Variants in CDKN2B-AS1 observed in about 807,000 individuals in gnomAD.
CDKN2B-AS1 encodes the protein CDKN2B antisense RNA 1 (non-protein coding).
In CDKN2B-AS1 at chr9:22,005,850, CTG is replaced by C; in HGVS notation, n.29+10692_29+10693del. 1 of 1,215,172 alleles carries C rather than the reference CTG, an allele frequency of 8.2e-7. No individual in the cohort carries two copies. Among genetic ancestry groups the C allele is most frequent in the East Asian group, 2.5e-5 (1 of 39,394 alleles). 75.3% of individuals were successfully genotyped at this position (1,215,172 alleles called of 1,614,324 possible). A position where few individuals can be genotyped will look rare whatever the true frequency, so the allele number is the denominator to read the frequency against. ...GTTATTCCCGGTCGGCTCCTCCTTC[CTG>C]TGAGTCTCAGACAGGCTTGCAGGCT... On this transcript the variant is annotated intron_variant and non_coding_transcript_variant, in intron 1 of 4. Transcript: ENST00000650946. This position sits in a 1 kb window ranked among gnomAD's most constrained non-coding sequence, Gnocchi z 4.9.
intron 4 of CDKN2B-AS1, among the ~76,000 whole-genome samples, chr9:22,056,934 C>T (rs1261366419): frequency 6.6e-6 from 1 of 152,114 alleles, no homozygotes; most frequent in African/African-American, 2.4e-5. Context: ...CAGTCTTCCC[C>T]ATCTTAATTA....
chr9:22,088,647 A>C (rs1824948280), intron 4 of CDKN2B-AS1, among the ~76,000 whole-genome samples: 1 of 152,220 alleles, frequency 6.6e-6, no homozygotes, highest in African/African-American at 2.4e-5. Flanking sequence ...GTTAATTTAA[A>C]TACACCAAAG....
chr9:22,037,610 C>G (rs1822742711), intron 1 of CDKN2B-AS1, among the ~76,000 whole-genome samples: 1 of 151,996 alleles, frequency 6.6e-6, no homozygotes, highest in Non-Finnish European at 1.5e-5. Flanking sequence ...TTTAACTTTC[C>G]TCTTCAGCTT....
intron 1 of CDKN2B-AS1, among the ~76,000 whole-genome samples, chr9:22,037,693 T>G (rs1401274204): frequency 6.6e-6 from 1 of 151,920 alleles, no homozygotes; most frequent in South Asian, 2.1e-4. Flanking sequence ...CCACAAAGGG[T>G]AGTGGAGATT....
intron 4 of CDKN2B-AS1, among the ~76,000 whole-genome samples, chr9:22,072,157 A>G (rs1824321289): frequency 6.6e-6 from 1 of 152,230 alleles, no homozygotes; most frequent in Non-Finnish European, 1.5e-5. Flanking sequence ...ACTGTGGGTA[A>G]CTTGGGCCCA....
At chr9:22,029,794 G>C (rs1428473203) in intron 1 of CDKN2B-AS1, 1 of 302,494 alleles carries the variant, frequency 3.3e-6, no homozygotes, top group Non-Finnish European at 6.0e-6. Flanking sequence ...TAATCACTAA[G>C]ATGTTAGTAT....
At chr9:22,070,820 C>T in intron 4 of CDKN2B-AS1, among the ~76,000 whole-genome samples, 1 of 152,264 alleles carries the variant, frequency 6.6e-6, no homozygotes, top group Non-Finnish European at 1.5e-5. Context: ...AACAGAAGCT[C>T]ATAGAATCAA....
chr9:22,102,295 A>T (rs1261797109), intron 4 of CDKN2B-AS1, among the ~76,000 whole-genome samples: 1 of 152,160 alleles, frequency 6.6e-6, no homozygotes, highest in Non-Finnish European at 1.5e-5. Flanking sequence ...TAAAACCAGA[A>T]TTTCTCTGCT....
In CDKN2B-AS1 at chr9:22,120,176, C is replaced by A. The variant is rs530324619; in HGVS notation, n.439-6927C>A. The A allele has an allele frequency of 9.9e-5, 15 of 152,276 alleles. No homozygotes were observed. In the East Asian group the frequency reaches 2.7e-3, roughly 27 times the overall value. The allele number at this position is 152,276 out of a possible 1,614,324, so 9.4% of individuals were successfully genotyped here. On this transcript the variant is annotated intron_variant and non_coding_transcript_variant, in intron 4 of 4. Coordinates refer to ENST00000650946, the Ensembl canonical transcript of CDKN2B-AS1. ...TAAATATGATTGCCTTCATTTTATT[C>A]TTTCCTTGTCTCGTTCTTCCCAGTA...
chr9:22,028,764 T>C (rs921187371), intron 1 of CDKN2B-AS1, among the ~76,000 whole-genome samples: 1 of 152,198 alleles, frequency 6.6e-6, no homozygotes, highest in Non-Finnish European at 1.5e-5. Context: ...GTATGGTTTG[T>C]GAAACATTTA....
intron 4 of CDKN2B-AS1, among the ~76,000 whole-genome samples, chr9:22,071,118 T>A (rs944486181): frequency 2.0e-5 from 3 of 151,318 alleles, no homozygotes. Flanking sequence ...TAAGTCAGTT[T>A]TTAAAAAATT....
In CDKN2B-AS1 at chr9:22,039,555, CT is replaced by C. The variant is rs1414227164; in HGVS notation, n.30-7195del. On this transcript the variant is annotated intron_variant and non_coding_transcript_variant, in intron 1 of 4. Transcript: ENST00000650946. The surrounding 1 kb of genome is among the most constrained non-coding windows in gnomAD (Gnocchi z 4.4). ...AGGAGGTAGAGGCCAGCATTATTTTCTCCATTTTTGGAATGAGAAAATACAG... is the reference window on the plus strand; with the variant it reads ...AGGAGGTAGAGGCCAGCATTATTTTCCCATTTTTGGAATGAGAAAATACAG... Among the ~76,000 whole-genome samples the C allele has an allele frequency of 1.3e-5, 2 of 152,024 alleles. No individual in the cohort carries two copies. The highest frequency in any genetic ancestry group is 3.9e-4 in the East Asian group (2 of 5,152).
Position 22,006,028 on chromosome 9 carries a change from G to C in CDKN2B-AS1, n.29+10867G>C, listed in dbSNP as rs371415045. 1 of 1,604,008 alleles carries C rather than the reference G, an allele frequency of 6.2e-7. No individual in the cohort carries two copies. The highest frequency in any genetic ancestry group is 8.5e-7 in the Non-Finnish European group (1 of 1,179,544). On this transcript the variant is annotated intron_variant and non_coding_transcript_variant, in intron 1 of 4. Transcript: ENST00000650946. The surrounding 1 kb of genome is among the most constrained non-coding windows in gnomAD (Gnocchi z 6.4). ...GTGCGCAGGTACCCTGCAACGTCGCGGTGGCCCCGCTCCTCGGCCAAGTCC... is the reference window on the plus strand; with the variant it reads ...GTGCGCAGGTACCCTGCAACGTCGCCGTGGCCCCGCTCCTCGGCCAAGTCC...
rs370708608 is a variant in CDKN2B-AS1, at chr9:22,086,745, A to T, written n.438+30358A>T. The stretch of plus-strand genomic sequence containing the variant: ...ATTTTTTGAACCCCAGAGATTATTT[A>T]TTTATCTATCCATTTATTTATTTTG... On this transcript the variant is annotated intron_variant and non_coding_transcript_variant, in intron 4 of 4. Transcript: ENST00000650946. Among the ~76,000 whole-genome samples the T allele has an allele frequency of 1.5e-3, 231 of 152,256 alleles. 1 individual carries two copies. Among genetic ancestry groups the T allele is most frequent in the African/African-American group, 5.3e-3 (220 of 41,556 alleles).
intron 4 of CDKN2B-AS1, among the ~76,000 whole-genome samples, chr9:22,113,217 C>T (rs1262741620): frequency 6.6e-6 from 1 of 152,144 alleles, no homozygotes; most frequent in Non-Finnish European, 1.5e-5. Context: ...AAGCTGGAGC[C>T]TGTGTCCCTT....
At chr9:22,078,845 G>T (rs1824590535) in intron 4 of CDKN2B-AS1, among the ~76,000 whole-genome samples, 1 of 152,116 alleles carries the variant, frequency 6.6e-6, no homozygotes. Flanking sequence ...GCAGAGTTTT[G>T]AAACTCTTAT....
intron 4 of CDKN2B-AS1, among the ~76,000 whole-genome samples, chr9:22,059,222 C>T (rs1000034974): frequency 1.3e-5 from 2 of 152,194 alleles, no homozygotes; most frequent in African/African-American, 4.8e-5. Flanking sequence ...TCATCTGAGA[C>T]AAGGGTAGTC....
intron 4 of CDKN2B-AS1, among the ~76,000 whole-genome samples, chr9:22,084,525 T>C (rs1392064812): frequency 1.3e-5 from 2 of 152,082 alleles, no homozygotes; most frequent in Non-Finnish European, 2.9e-5. Context: ...TAACAGCATG[T>C]GGGTAGGCTA....
intron 3 of CDKN2B-AS1, among the ~76,000 whole-genome samples, chr9:22,055,255 A>T (rs1439378808): frequency 6.6e-6 from 1 of 152,166 alleles, no homozygotes; most frequent in African/African-American, 2.4e-5. Context: ...TCTCATATGC[A>T]TGCCATATTT....
Sources: gnomAD v4.1 joint callset for allele counts (sites outside exome capture counted in the v4.1 genomes callset) on GRCh38, gnomAD v4.1.1 for gene constraint, Gnocchi (gnomAD v3.1) non-coding constraint, MANE v1.5 for transcripts, NCBI Gene and HGNC (gene_info 2026-07-23, HGNC 2026-07-21) for gene names.